The following SLC25A25 variants were observed in gnomAD, a reference collection of about 807,000 sequenced individuals.
SLC25A25 encodes solute carrier family 25 member 25.
A neutral mutation model predicts 57.7 loss-of-function variants in SLC25A25; 32 were observed. The ratio of observed to expected loss-of-function variants is 0.55; its 90% CI spans 0.42 to 0.74. The LOEUF (loss-of-function observed/expected upper bound fraction) is 0.74, where lower values mean the gene tolerates loss of function less well. Ranked by LOEUF, SLC25A25 falls within the 30% of genes least tolerant of loss-of-function variation. The pLI is 0.00. For synonymous variants in SLC25A25, 306 were observed against 291.2 expected (o/e 1.05, Z -0.52); for missense variants, 556 against 701.3 (o/e 0.79, Z 2.34).
chr9:128,094,363 G>A (rs903680238), intron 1 of SLC25A25: 21 of 152,162 alleles, frequency 1.4e-4, no homozygotes, highest in Admixed American at 1.2e-3. Context: ...GGAGTGGGAG[G>A]TGCCCTCAGC....
Position 128,095,441 on chromosome 9 carries a change from C to T in SLC25A25, c.262-5655C>T, listed in dbSNP as rs1480876774. Among the ~76,000 whole-genome samples, 1 of 152,150 alleles carries T rather than the reference C, an allele frequency of 6.6e-6. No homozygotes were observed. The highest frequency in any genetic ancestry group is 1.5e-5 in the Non-Finnish European group (1 of 68,026). On this transcript the variant is annotated intron_variant, in intron 1 of 10. Transcript: ENST00000373069. The surrounding 1 kb of genome is among the most constrained non-coding windows in gnomAD (Gnocchi z 4.4). ...AGCCCCTCTGGGCCCCCACAGTCTG[C>T]AGTTCCAGGAATACAGCAGTTGTCC...
At chr9:128,070,240 G>A (rs1451614516) in intron 1 of SLC25A25, among the ~76,000 whole-genome samples, 1 of 151,864 alleles carries the variant, frequency 6.6e-6, no homozygotes, top group African/African-American at 2.4e-5. Flanking sequence ...ACAGGTGCCC[G>A]CCACCATGCC....
chr9:128,070,950 CAAAA>C (rs531221205), intron 1 of SLC25A25, among the ~76,000 whole-genome samples: 2 of 57,456 alleles, frequency 3.5e-5, no homozygotes, highest in Non-Finnish European at 7.9e-5. Flanking sequence ...AACTCCATCT[CAAAA>C]AAAAAAAAAA....
Position 128,103,819 on chromosome 9 carries a change from A to T in SLC25A25, c.763A>T (p.Arg255Trp). The T allele has an allele frequency of 6.2e-7, 1 of 1,605,004 alleles. No homozygotes were observed. The highest frequency in any genetic ancestry group is 8.5e-7 in the Non-Finnish European group (1 of 1,175,326). ...VSRTCTAPLD[R>W]LKVLMQVHAS... is the part of the protein sequence containing the mutation. The stretch of plus-strand genomic sequence containing the variant: ...CAGAACCTGCACGGCCCCCCTGGAC[A>T]GGCTCAAGGTGCTCATGCAGGTATG... The change falls in exon 6 of 11, where the codon AGG (arginine) becomes TGG (tryptophan). Residue 255 changes from arginine to tryptophan, a missense_variant. Coordinates refer to ENST00000373069, the MANE Select transcript of SLC25A25 (RefSeq NM_001330988.2). This position sits in a 1 kb window ranked among gnomAD's most constrained non-coding sequence, Gnocchi z 6.7.
At chr9:128,105,461 G>A (rs571123164) in intron 6 of SLC25A25, among the ~76,000 whole-genome samples, 2 of 150,424 alleles carry the variant, frequency 1.3e-5, no homozygotes, top group Admixed American at 6.7e-5. Context: ...ATGAGCCACC[G>A]CGCCCAGCCT....
At chr9:128,091,546 CTTTTTTTTT>C in intron 1 of SLC25A25, 6 of 853,748 alleles carry the variant, frequency 7.0e-6, no homozygotes, top group Non-Finnish European at 8.3e-6. Context: ...TTTTCCTTTT[CTTTTTTTTT>C]TTTTTTAAAA....
At chr9:128,069,918 A>ATTTTTTT (rs758820179) in intron 1 of SLC25A25, among the ~76,000 whole-genome samples, 1 of 103,060 alleles carries the variant, frequency 9.7e-6, no homozygotes, top group East Asian at 3.1e-4. Context: ...CACCCAGCTA[A>ATTTTTTT]TTTTTTTTTT....
rs1448249694 is a variant in SLC25A25 at position 128,101,724 on chromosome 9, A to T, written c.476+328A>T. ...GGGCGGGGCGGGGCGGGGGGCTCAC[A>T]CTGCAGCCTCGTTCCCAGGTGAATT... On this transcript the variant is annotated intron_variant, in intron 3 of 10. Coordinates refer to ENST00000373069, the MANE Select transcript of SLC25A25 (RefSeq NM_001330988.2). The surrounding 1 kb of genome is among the most constrained non-coding windows in gnomAD (Gnocchi z 4.9). Among the ~76,000 whole-genome samples the T allele has an allele frequency of 6.6e-6, 1 of 152,138 alleles. No individual in the cohort carries two copies. Among genetic ancestry groups the T allele is most frequent in the Non-Finnish European group, 1.5e-5 (1 of 67,988 alleles).
At position 128,102,124 on chromosome 9, in the gene SLC25A25, C is replaced by A; in HGVS notation, c.512+9C>A. On this transcript the variant is annotated intron_variant, in intron 4 of 10. Coordinates refer to ENST00000373069, the MANE Select transcript of SLC25A25 (RefSeq NM_001330988.2). The surrounding 1 kb of genome is among the most constrained non-coding windows in gnomAD (Gnocchi z 4.1). ...TGGGGCCCTGTCACCTAGTAAGTAT[C>A]CATGTCGCTCATGACTGCCTCCCTT... 1 of 1,550,608 alleles carries A rather than the reference C, an allele frequency of 6.4e-7. No individual in the cohort carries two copies.
Position 128,102,661 on chromosome 9 carries a change from T to G in SLC25A25, c.624+180T>G, listed in dbSNP as rs1169566649. Among the ~76,000 whole-genome samples, 1 of 152,152 alleles carries G rather than the reference T, an allele frequency of 6.6e-6. No individual in the cohort carries two copies. Among genetic ancestry groups the G allele is most frequent in the East Asian group, 1.9e-4 (1 of 5,198 alleles). ...CCGCATGTTCCCCATGTTCTGGCAC[T>G]CCAGCCAACCTGAACAGCCCCATCG... On this transcript the variant is annotated intron_variant, in intron 5 of 10. Coordinates refer to ENST00000373069, the MANE Select transcript of SLC25A25 (RefSeq NM_001330988.2). This position sits in a 1 kb window ranked among gnomAD's most constrained non-coding sequence, Gnocchi z 4.1.
At chr9:128,093,391 G>A (rs146961849) in intron 1 of SLC25A25, among the ~76,000 whole-genome samples, 57 of 152,320 alleles carry the variant, frequency 3.7e-4, no homozygotes, top group African/African-American at 1.3e-3. Context: ...ACCTCGAATG[G>A]CCGGCTCCTT....
In SLC25A25 at chr9:128,107,584, G is replaced by A. The variant is rs1834105984; in HGVS notation, c.*140G>A. On this transcript the variant is annotated 3_prime_UTR_variant, in exon 11 of 11. Transcript: ENST00000373069. ...AAACCCTAGACGCACCCGCAGGGAG[G>A]GTGGGGAGAGCTGGCAGGCCCAGGG... The A allele has an allele frequency of 9.6e-7, 1 of 1,038,288 alleles. No individual in the cohort carries two copies. The highest frequency in any genetic ancestry group is 3.4e-5 in the Admixed American group (1 of 29,598). 64.3% of individuals were successfully genotyped at this position (1,038,288 alleles called of 1,614,324 possible).
chr9:128,071,783 T>C (rs553329953), intron 1 of SLC25A25, among the ~76,000 whole-genome samples: 3 of 148,740 alleles, frequency 2.0e-5, no homozygotes, highest in South Asian at 2.2e-4. Flanking sequence ...ATGGTGTGAT[T>C]TCACTGAAAC....
chr9:128,091,583 T>A (rs1484607029), intron 1 of SLC25A25: 4 of 1,088,510 alleles, frequency 3.7e-6, no homozygotes, highest in Admixed American at 5.2e-5. Context: ...AAACGTTTGC[T>A]CACCATCACC....
At chr9:128,091,977 C>T (rs1833421360) in intron 1 of SLC25A25, 1 of 1,613,840 alleles carries the variant, frequency 6.2e-7, no homozygotes, top group African/African-American at 1.3e-5. Flanking sequence ...CCAGCCCCTG[C>T]CTGGAGAGAC....
At position 128,084,752 on chromosome 9, in the gene SLC25A25, A is replaced by G. The variant is rs1340652776; in HGVS notation, c.261+16172A>G. 2.0e-5 allele frequency among the ~76,000 whole-genome samples: 3 copies of G among 152,212 alleles called. No homozygotes were observed. The East Asian group carries it at 5.8e-4, about 29-fold the overall frequency. On this transcript the variant is annotated intron_variant, in intron 1 of 10. Transcript: ENST00000373069. ...GGCCTTGGTCACTTATATTTGGCTC[A>G]CAATAAACCTCTTTAAATATTTTAC...
At chr9:128,094,146 TAAAAGAAA>T (rs1365298940) in intron 1 of SLC25A25, among the ~76,000 whole-genome samples, 7 of 152,088 alleles carry the variant, frequency 4.6e-5, no homozygotes, top group Admixed American at 1.3e-4. Context: ...AGACTCTGTT[TAAAAGAAA>T]AAAAGAAAAG....
In SLC25A25 at chr9:128,105,740, C is replaced by T. The variant is rs1301472234; in HGVS notation, c.795C>T (p.Ser265=). 2 of 1,613,168 alleles carry T rather than the reference C, an allele frequency of 1.2e-6. No individual in the cohort carries two copies. Among genetic ancestry groups the T allele is most frequent in the African/African-American group, 2.7e-5 (2 of 75,026 alleles). The change falls in exon 7 of 11, where the codon TCC becomes TCT. Residue 265 remains serine, a synonymous_variant. Transcript: ENST00000373069. ...GTCCTCCCTCCCAGGTCCATGCCTCCCGCAGCAACAACATGGGCATCGTTG... is the reference window on the plus strand; with the variant it reads ...GTCCTCCCTCCCAGGTCCATGCCTCTCGCAGCAACAACATGGGCATCGTTG... ...RLKVLMQVHA[S]RSNNMGIVGG... is the part of the protein sequence containing the mutation.
At chr9:128,106,115 G>C in intron 7 of SLC25A25, 35 bp from the exon 8 acceptor site, 1 of 1,613,084 alleles carries the variant, frequency 6.2e-7, no homozygotes, top group Non-Finnish European at 8.5e-7. Context: ...CCAACCTCTG[G>C]GTATATCAGG....
Sources: allele counts gnomAD v4.1 joint callset (sites outside exome capture counted in the v4.1 genomes callset), GRCh38; gene constraint gnomAD v4.1.1; non-coding constraint Gnocchi (gnomAD v3.1); transcripts MANE v1.5; gene names NCBI Gene and HGNC (gene_info 2026-07-23, HGNC 2026-07-21).